Variants in PIEZO1 observed in about 807,000 individuals in gnomAD.
PIEZO1 encodes piezo-type mechanosensitive ion channel component 1.
A neutral mutation model predicts 297.2 loss-of-function variants in PIEZO1; 296 were observed. The observed-to-expected ratio is 1.00, with a 90% confidence interval of 0.91 to 1.10. The LOEUF is 1.10. Among genes scored for constraint, PIEZO1 ranks in the 50% least tolerant of loss-of-function variants. The pLI, the probability that PIEZO1 is intolerant of heterozygous loss-of-function variation, is 0.00. For missense variants in PIEZO1, 5,018 were observed against 3,455.5 expected, an observed-to-expected ratio of 1.45 and a Z score of -11.34; for synonymous variants, 2,427 against 1,507.5, an observed-to-expected ratio of 1.61 and a Z score of -14.13.
chr16:88,716,193 C>T lies in PIEZO1; in HGVS notation c.7129+5G>A, dbSNP rs1912013758. The T allele has an allele frequency of 6.7e-7, 1 of 1,502,848 alleles. No individual in the cohort carries two copies. The highest frequency in any genetic ancestry group is 8.9e-7 in the Non-Finnish European group (1 of 1,120,466). 93.1% of individuals were successfully genotyped at this position (1,502,848 alleles called of 1,614,324 possible). Reference sequence around the variant, plus strand: ...GCCTCCCCCAACCCCCACGCCCATACTCACTGGGCTGCAGCTGCTTCACAG... The same window carrying T: ...GCCTCCCCCAACCCCCACGCCCATATTCACTGGGCTGCAGCTGCTTCACAG... On this transcript the variant is annotated splice_donor_5th_base_variant and intron_variant, in intron 49 of 50. Transcript: ENST00000301015.
chr16:88,716,955 G>A, intron 45 of PIEZO1, 57 bp from the exon 46 acceptor site: 2 of 1,546,038 alleles, frequency 1.3e-6, no homozygotes, highest in Non-Finnish European at 8.7e-7. Context: ...AGCGGCTGGG[G>A]GTGGTGCACC....
chr16:88,744,103 G>GC (rs1267005016), intron 2 of PIEZO1: 1 of 167,928 alleles, frequency 6.0e-6, no homozygotes, highest in Non-Finnish European at 1.3e-5. Flanking sequence ...CTTCAGCAGA[G>GC]CACAAGTCTG....
intron 2 of PIEZO1, among the ~76,000 whole-genome samples, chr16:88,744,904 G>T (rs1168851482): frequency 6.6e-6 from 1 of 152,092 alleles, no homozygotes; most frequent in Non-Finnish European, 1.5e-5. Context: ...ACGTGCAGAG[G>T]GATCGAGGCT....
chr16:88,719,775 C>T, intron 43 of PIEZO1, 27 bp downstream of exon 43: 2 of 1,550,268 alleles, frequency 1.3e-6, no homozygotes, highest in Non-Finnish European at 1.7e-6. Context: ...CGGGCCGTGA[C>T]CCCCACCCCG....
chr16:88,719,792 C>G lies in PIEZO1; in HGVS notation c.6323+10G>C, dbSNP rs1912299962. The stretch of plus-strand genomic sequence containing the variant: ...GGCCGTGACCCCCACCCCGGCGGAC[C>G]TGCACTCACCCCTGGAAGAGGAAGA... On this transcript the variant is annotated intron_variant, in intron 43 of 50. Coordinates refer to ENST00000301015, the MANE Select transcript of PIEZO1 (RefSeq NM_001142864.4). The G allele has an allele frequency of 1.9e-6, 3 of 1,550,356 alleles. No homozygotes were observed. The African/African-American group carries it at 4.1e-5, about 21-fold the overall frequency.
At chr16:88,727,416 G>A (rs568888100) in intron 23 of PIEZO1, 141 bp downstream of exon 23, 10 of 645,952 alleles carry the variant, frequency 1.5e-5, no homozygotes, top group African/African-American at 9.1e-5. Context: ...GCGTGCGTGC[G>A]AGGTCAGGGC....
At chr16:88,729,791 C>T (rs1237986288) in intron 22 of PIEZO1, among the ~76,000 whole-genome samples, 29 of 128,974 alleles carry the variant, frequency 2.2e-4, no homozygotes, top group African/African-American at 7.0e-4. Context: ...CATGCTGAAC[C>T]CACAGCCCCA....
intron 1 of PIEZO1, among the ~76,000 whole-genome samples, chr16:88,755,753 G>C (rs1276606581): frequency 6.6e-5 from 10 of 152,260 alleles, no homozygotes; most frequent in Admixed American, 6.5e-4. Context: ...CACCATGAGA[G>C]GCCGGGGGCC....
At chr16:88,736,089 C>T (rs752340208) in intron 12 of PIEZO1, 59 bp downstream of exon 12, 60 of 1,473,284 alleles carry the variant, frequency 4.1e-5, no homozygotes, top group Middle Eastern at 4.8e-4. Context: ...TTGAACAGGA[C>T]GACAACCCTG....
intron 21 of PIEZO1, 34 bp downstream of exon 21, chr16:88,732,301 C>A: frequency 6.6e-7 from 1 of 1,525,582 alleles, no homozygotes; most frequent in African/African-American, 1.4e-5. Flanking sequence ...AAGGCCAAGC[C>A]CTGCCCCAGG....
rs1459769252 is a variant in PIEZO1 at position 88,723,208 on chromosome 16, C to G, written c.4438+18G>C. ...GTCCCGCGGCTTCCCCTCAGAGTCC[C>G]CACGCCCCCCAGCTCACCTGTGGGT... On this transcript the variant is annotated intron_variant, in intron 32 of 50. Transcript: ENST00000301015. 3.9e-6 allele frequency: 6 copies of G among 1,548,552 alleles called. No homozygotes were observed. Among genetic ancestry groups the G allele is most frequent in the Non-Finnish European group, 8.7e-7 (1 of 1,146,838 alleles).
intron 36 of PIEZO1, 64 bp downstream of exon 36, chr16:88,722,154 G>A (rs1904284015): frequency 2.6e-6 from 4 of 1,522,174 alleles, no homozygotes; most frequent in East Asian, 2.5e-5. Context: ...TCAGTCTCCT[G>A]CCCCTGTTCG....
chr16:88,750,178 A>G (rs1008985001), intron 1 of PIEZO1, among the ~76,000 whole-genome samples: 1 of 151,818 alleles, frequency 6.6e-6, no homozygotes. Context: ...TGACAAAAAA[A>G]TACAAAAATT....
chr16:88,735,020 A>G lies in PIEZO1; in HGVS notation c.1703T>C (p.Leu568Pro). 6.4e-7 allele frequency: 1 copy of G among 1,550,462 alleles called. No individual in the cohort carries two copies. Among genetic ancestry groups the G allele is most frequent in the East Asian group, 2.4e-5 (1 of 40,926 alleles). Residue 568 changes from leucine (L) to proline (P), a missense_variant, in exon 14 of 51, where the codon CTG becomes CCG. Leu to Pro is a moderately conservative substitution (Grantham distance 98). Coordinates refer to ENST00000301015, the MANE Select transcript of PIEZO1 (RefSeq NM_001142864.4). The stretch of plus-strand genomic sequence containing the variant: ...GTACACGCCCTTCACCAGCTCCCCC[A>G]GGCTCTGCAACAGCGTCTGCGTCCG... ...PTRTQTLLQSLGELVKGVYAK... is the reference protein window; with the variant it reads ...PTRTQTLLQSPGELVKGVYAK...
chr16:88,737,943 G>A lies in PIEZO1; in HGVS notation c.1011C>T (p.Pro337=). 3.3e-6 allele frequency: 5 copies of A among 1,530,142 alleles called. No individual in the cohort carries two copies. The highest frequency in any genetic ancestry group is 4.4e-6 in the Non-Finnish European group (5 of 1,143,020). The allele number at this position is 1,530,142 out of a possible 1,614,324, so 94.8% of individuals were successfully genotyped here. Residue 337 remains proline, a synonymous_variant, in exon 8 of 51, where the codon CCC becomes CCT. Coordinates refer to ENST00000301015, the MANE Select transcript of PIEZO1 (RefSeq NM_001142864.4). ...GGTGGCAGGTGCTCACCTGGCCGGA[G>A]GGGCGGTACGCGCGGAGCTTGCGCA... ...ASLRKLRAYR[P]SGQRKEAAKG...
At chr16:88,766,353 G>A (rs980317905) in intron 1 of PIEZO1, among the ~76,000 whole-genome samples, 2 of 152,200 alleles carry the variant, frequency 1.3e-5, no homozygotes, top group Admixed American at 6.5e-5. Context: ...AGCGGCTCTT[G>A]ACAGCCAGCG....
chr16:88,762,490 C>T (rs533153445), intron 1 of PIEZO1, among the ~76,000 whole-genome samples: 4 of 152,290 alleles, frequency 2.6e-5, no homozygotes, highest in Admixed American at 1.3e-4. Context: ...CCCCTCCAGC[C>T]CCAAGGAGAG....
intron 1 of PIEZO1, among the ~76,000 whole-genome samples, chr16:88,752,669 C>T (rs1243400295): frequency 6.6e-6 from 1 of 152,090 alleles, no homozygotes; most frequent in Non-Finnish European, 1.5e-5. Context: ...ACCGCCCTGC[C>T]CCTGGCCGAG....
chr16:88,760,740 G>A (rs1454519800), intron 1 of PIEZO1, among the ~76,000 whole-genome samples: 1 of 152,238 alleles, frequency 6.6e-6, no homozygotes, highest in African/African-American at 2.4e-5. Flanking sequence ...GCCCGGGACA[G>A]GCAGGGGCCC....
Sources: allele counts gnomAD v4.1 joint callset (sites outside exome capture counted in the v4.1 genomes callset), GRCh38; gene constraint gnomAD v4.1.1; transcripts MANE v1.5; gene names NCBI Gene and HGNC (gene_info 2026-07-23, HGNC 2026-07-21).